Variants in PDGFA observed in about 807,000 individuals in gnomAD.
PDGFA encodes platelet-derived growth factor subunit A.
Under a neutral mutation model 25.6 loss-of-function variants are expected in PDGFA, and 9 were observed. The observed-to-expected ratio is 0.35, with a 90% confidence interval of 0.21 to 0.61. The LOEUF (loss-of-function observed/expected upper bound fraction) is 0.61, where lower values mean the gene tolerates loss of function less well. Ranked by LOEUF, PDGFA falls within the 20% of genes least tolerant of loss-of-function variation. The pLI, the probability that PDGFA is intolerant of heterozygous loss-of-function variation, is 0.75. For missense variants in PDGFA, 242 were observed against 272.8 expected, an observed-to-expected ratio of 0.89 and a Z score of 0.79; for synonymous variants, 133 against 111.8, an observed-to-expected ratio of 1.19 and a Z score of -1.20.
chr7:507,896 G>A (rs1359545274), intron 4 of PDGFA, among the ~76,000 whole-genome samples: 4 of 152,102 alleles, frequency 2.6e-5, no homozygotes, highest in African/African-American at 7.2e-5. Context: ...CTGACCCCCC[G>A]GCGGTAAATA....
At chr7:511,071 C>G (rs548814521) in intron 3 of PDGFA, 75 bp from the exon 4 acceptor site, 1 of 1,243,456 alleles carries the variant, frequency 8.0e-7, no homozygotes, top group African/African-American at 1.5e-5. Context: ...GAGGCGGCTC[C>G]AGCTGGGCCT....
chr7:502,420 G>T (rs1782381911), intron 4 of PDGFA, among the ~76,000 whole-genome samples: 1 of 152,114 alleles, frequency 6.6e-6, no homozygotes, highest in African/African-American at 2.4e-5. Context: ...GGCTCCCCCA[G>T]GTCCGAGGCT....
At chr7:504,811 G>A (rs150099057) in intron 4 of PDGFA, among the ~76,000 whole-genome samples, 7 of 152,338 alleles carry the variant, frequency 4.6e-5, no homozygotes, top group Admixed American at 1.3e-4. Context: ...GGCAGAGACC[G>A]CAGGCCCGTC....
At chr7:518,843 C>T in intron 1 of PDGFA, 96 bp downstream of exon 1, 1 of 749,844 alleles carries the variant, frequency 1.3e-6, no homozygotes, top group Non-Finnish European at 2.0e-6. Context: ...CTGGCAGGAA[C>T]CAAAACGCTC....
Position 517,478 on chromosome 7 carries a change from G to A in PDGFA, c.76C>T (p.Pro26Ser), listed in dbSNP as rs866394951. Residue 26 changes from proline (P) to serine (S), a missense_variant, in exon 2 of 6, where the codon CCC (proline) becomes TCC (serine). Pro to Ser is a moderately conservative substitution (Grantham distance 74). This residue lies in a region of PDGFA where 113 missense variants were observed against 98.3 expected (regional missense o/e 1.15). Transcript: ENST00000402802. The surrounding 1 kb of genome is among the most constrained non-coding windows in gnomAD (Gnocchi z 7.4). ...GCCAGCCTCTCGATCACCTCGCGGG[G>A]GATCTCGGCTTCCTGCAAGCAGAGG... 1.5e-6 allele frequency: 2 copies of A among 1,335,758 alleles called. No homozygotes were observed. The highest frequency in any genetic ancestry group is 1.9e-6 in the Non-Finnish European group (2 of 1,028,550). 82.7% of individuals were successfully genotyped at this position (1,335,758 alleles called of 1,614,324 possible). A position where few individuals can be genotyped will look rare whatever the true frequency, so the allele number is the denominator to read the frequency against.
At chr7:502,809 C>CACACACACACAT (rs1554273862) in intron 4 of PDGFA, among the ~76,000 whole-genome samples, 3 of 132,142 alleles carry the variant, frequency 2.3e-5, no homozygotes, top group African/African-American at 9.4e-5. Context: ...CACACACACA[C>CACACACACACAT]ATAATGCACA....
At chr7:515,145 C>G (rs983804888) in intron 2 of PDGFA, among the ~76,000 whole-genome samples, 1 of 152,306 alleles carries the variant, frequency 6.6e-6, no homozygotes, top group East Asian at 1.9e-4. Flanking sequence ...CAGCGTGGGC[C>G]TTAGAGGCAC....
Position 500,521 on chromosome 7 carries a change from G to T in PDGFA, c.580+595C>A, listed in dbSNP as rs9692477. The stretch of plus-strand genomic sequence containing the variant: ...CTTCCTGTTAACAAAAGGGCAGGGC[G>T]GTGAGTGGGCCGAGGGACGGCCGTC... On this transcript the variant is annotated intron_variant, in intron 5 of 5. Transcript: ENST00000402802. This position sits in a 1 kb window ranked among gnomAD's most constrained non-coding sequence, Gnocchi z 5.0. 19 of 1,613,774 alleles carry T rather than the reference G, an allele frequency of 1.2e-5. No individual in the cohort carries two copies. Among genetic ancestry groups the T allele is most frequent in the Non-Finnish European group, 1.6e-5 (19 of 1,179,976 alleles).
exon 1 of PDGFA, chr7:519,219 G>A (rs1450369113): frequency 2.7e-6 from 1 of 377,250 alleles, no homozygotes; most frequent in Non-Finnish European, 4.7e-6. Flanking sequence ...AACAGGGAGT[G>A]CGCGCCCGCA....
chr7:501,090 C>A (rs746707403), intron 5 of PDGFA, 26 bp downstream of exon 5: 2 of 1,614,172 alleles, frequency 1.2e-6, no homozygotes, highest in East Asian at 4.5e-5. Flanking sequence ...TCTCCAACAC[C>A]GATGCCGACG....
chr7:504,881 C>T (rs1470129999), intron 4 of PDGFA, among the ~76,000 whole-genome samples: 2 of 152,198 alleles, frequency 1.3e-5, no homozygotes, highest in African/African-American at 2.4e-5. Flanking sequence ...TCGAGATGGC[C>T]GGCCACCGCG....
intron 3 of PDGFA, among the ~76,000 whole-genome samples, chr7:511,714 G>A (rs1038237174): frequency 4.6e-5 from 7 of 152,188 alleles, no homozygotes; most frequent in African/African-American, 7.2e-5. Context: ...CCCCGAGGAC[G>A]CGGGACTTGG....
intron 3 of PDGFA, among the ~76,000 whole-genome samples, chr7:512,021 G>T (rs1314996160): frequency 1.3e-5 from 2 of 152,210 alleles, no homozygotes; most frequent in Non-Finnish European, 2.9e-5. Flanking sequence ...CAAGGCTCCT[G>T]GGGACAGGCC....
chr7:503,269 A>G (rs1782426369), intron 4 of PDGFA, among the ~76,000 whole-genome samples: 1 of 152,144 alleles, frequency 6.6e-6, no homozygotes, highest in South Asian at 2.1e-4. Context: ...AGCACCCAGC[A>G]GGCGCTCCAT....
rs1782310729 is a variant in PDGFA at position 500,999 on chromosome 7, G to A, written c.580+117C>T. The A allele has an allele frequency of 6.2e-7, 1 of 1,604,258 alleles. No individual in the cohort carries two copies. Among genetic ancestry groups the A allele is most frequent in the Non-Finnish European group, 8.5e-7 (1 of 1,179,052 alleles). ...GAGCAGGGCAACGAATCCTTCAACA[G>A]CAGCCCAGATGCTCACAGCAGTAAG... is the stretch of plus-strand genomic sequence containing the variant. On this transcript the variant is annotated intron_variant, in intron 5 of 5. Transcript: ENST00000402802. This position sits in a 1 kb window ranked among gnomAD's most constrained non-coding sequence, Gnocchi z 5.0.
intron 4 of PDGFA, among the ~76,000 whole-genome samples, chr7:506,101 G>T: frequency 6.6e-6 from 1 of 150,952 alleles, no homozygotes; most frequent in Admixed American, 6.6e-5. Context: ...GCCTGAACCC[G>T]GGAGGTGGAG....
At chr7:514,037 T>C (rs546649193) in intron 2 of PDGFA, among the ~76,000 whole-genome samples, 2 of 152,224 alleles carry the variant, frequency 1.3e-5, no homozygotes, top group African/African-American at 2.4e-5. Flanking sequence ...CATCTTGCCA[T>C]GGCCAAACCA....
chr7:520,065 C>T (rs963848897), upstream of PDGFA: 1 of 398,606 alleles, frequency 2.5e-6, no homozygotes, highest in Admixed American at 2.9e-5. Context: ...ATCAAAGCCC[C>T]GCGCCCGGCT....
chr7:501,044 ACCT>A (rs1405430200), intron 5 of PDGFA, 69 bp downstream of exon 5: 1 of 1,613,098 alleles, frequency 6.2e-7, no homozygotes, highest in East Asian at 2.2e-5. Flanking sequence ...CAAGGGGGCC[ACCT>A]AACACCCCAA....
Sources: gnomAD v4.1 joint callset for allele counts (sites outside exome capture counted in the v4.1 genomes callset) on GRCh38, gnomAD v4.1.1 for gene constraint, gnomAD v4.1.1 regional missense constraint, Gnocchi (gnomAD v3.1) non-coding constraint, MANE v1.5 for transcripts, NCBI Gene and HGNC (gene_info 2026-07-23, HGNC 2026-07-21) for gene names.